Variants in TBC1D5 observed in about 807,000 individuals in gnomAD.
TBC1D5 encodes TBC1 domain family, member 5.
In TBC1D5, 75 loss-of-function variants were observed where a neutral mutation model predicts 100.3. The ratio of observed to expected loss-of-function variants is 0.75; its 90% confidence interval spans 0.62 to 0.91. The LOEUF is 0.91. TBC1D5 is among the 40% of genes least tolerant of loss of function. TBC1D5 has a pLI of 0.00. For missense variants in TBC1D5, 910 were observed against 942.4 expected, an observed-to-expected ratio of 0.97 and a Z score of 0.45; for synonymous variants, 323 against 325.6, an observed-to-expected ratio of 0.99 and a Z score of 0.09.
At chr3:17,383,319 T>G (rs1038699056) in intron 9 of TBC1D5, among the ~76,000 whole-genome samples, 1 of 151,806 alleles carries the variant, frequency 6.6e-6, no homozygotes, top group African/African-American at 2.4e-5. Context: ...GTATTTTTAT[T>G]AGAACACCAT....
rs1380883342 is a variant in TBC1D5 at position 17,404,712 on chromosome 3, AG to A, written c.422del (p.Pro141LeufsTer22). 1 of 1,606,194 alleles carries A rather than the reference AG, an allele frequency of 6.2e-7. No homozygotes were observed. Among genetic ancestry groups the A allele is most frequent in the South Asian group, 1.1e-5 (1 of 89,736 alleles). ...ACTTTACCCCTTCATCCTGTGAAAG[AG>A]GATTATTGATCATCAAATCTTGTTG... On this transcript the variant is annotated frameshift_variant, in exon 7 of 22. Transcript: ENST00000253692. LOFTEE classifies it high-confidence loss of function.
intron 13 of TBC1D5, among the ~76,000 whole-genome samples, chr3:17,371,254 T>C (rs759687843): frequency 2.0e-5 from 3 of 152,182 alleles, no homozygotes; most frequent in African/African-American, 7.2e-5. Context: ...GAACAAAAGA[T>C]GATCATATGA....
At chr3:17,373,367 C>A (rs1350861747) in intron 12 of TBC1D5, among the ~76,000 whole-genome samples, 1 of 152,062 alleles carries the variant, frequency 6.6e-6, no homozygotes, top group Non-Finnish European at 1.5e-5. Context: ...ATACTGGAAA[C>A]AATATACCAA....
chr3:17,484,252 C>A (rs1330175589), intron 3 of TBC1D5, among the ~76,000 whole-genome samples: 1 of 152,122 alleles, frequency 6.6e-6, no homozygotes, highest in African/African-American at 2.4e-5. Context: ...CTCCTGATGT[C>A]ATAATTAAAA....
intron 16 of TBC1D5, among the ~76,000 whole-genome samples, chr3:17,244,294 G>T (rs940381116): frequency 6.6e-6 from 1 of 152,172 alleles, no homozygotes; most frequent in Non-Finnish European, 1.5e-5. Context: ...ATGATCTGCA[G>T]TGCCAAATGG....
intron 1 of TBC1D5, among the ~76,000 whole-genome samples, chr3:17,704,824 G>A (rs1291728755): frequency 2.1e-5 from 2 of 95,090 alleles, no homozygotes; most frequent in Admixed American, 1.8e-4. Flanking sequence ...CCGGGCGGAG[G>A]GCTGACCCCC....
chr3:17,330,453 G>A (rs1344206172), intron 13 of TBC1D5, among the ~76,000 whole-genome samples: 1 of 151,958 alleles, frequency 6.6e-6, no homozygotes, highest in African/African-American at 2.4e-5. Context: ...AGCTCACTCT[G>A]CTTCTTTAGT....
intron 17 of TBC1D5, among the ~76,000 whole-genome samples, chr3:17,221,787 G>A (rs997399254): frequency 1.3e-5 from 2 of 152,142 alleles, no homozygotes; most frequent in African/African-American, 2.4e-5. Flanking sequence ...CTTGACTTTA[G>A]CCTAGAGAAA....
chr3:17,517,111 C>A (rs758708349), intron 2 of TBC1D5, among the ~76,000 whole-genome samples: 1 of 152,206 alleles, frequency 6.6e-6, no homozygotes, highest in Non-Finnish European at 1.5e-5. Context: ...CCATTCTTTA[C>A]AAACAACCAC....
At chr3:17,706,370 C>A in intron 1 of TBC1D5, 4 of 1,163,120 alleles carry the variant, frequency 3.4e-6, no homozygotes, top group Non-Finnish European at 3.5e-6. Context: ...GAAAGCTAAT[C>A]TAATAAATTC....
rs570906834 is a variant in TBC1D5 at position 17,531,604 on chromosome 3, C to A, written c.-35-22999G>T. On this transcript the variant is annotated intron_variant, in intron 2 of 21. Coordinates refer to ENST00000253692, the Ensembl canonical transcript of TBC1D5. ...AAACTATACTACAAGGCTACAGTAA[C>A]CAAAACAGCATGGTACTGGTACCAA... 3.9e-5 allele frequency among the ~76,000 whole-genome samples: 6 copies of A among 152,254 alleles called. No individual in the cohort carries two copies. The South Asian group carries it at 1.2e-3, about 32-fold the overall frequency.
intron 4 of TBC1D5, among the ~76,000 whole-genome samples, chr3:17,418,614 AC>A (rs771139237): frequency 2.6e-5 from 4 of 152,124 alleles, no homozygotes; most frequent in Non-Finnish European, 2.9e-5. Flanking sequence ...AAAAAAAAAA[AC>A]TATGATATAC....
At chr3:17,316,458 C>A (rs550070589) in intron 13 of TBC1D5, among the ~76,000 whole-genome samples, 2 of 152,260 alleles carry the variant, frequency 1.3e-5, no homozygotes, top group East Asian at 3.9e-4. Context: ...CATATCTACT[C>A]AAGTGAAAGC....
chr3:17,363,461 TA>T (rs1486214958), intron 13 of TBC1D5, among the ~76,000 whole-genome samples: 1 of 151,990 alleles, frequency 6.6e-6, no homozygotes, highest in Admixed American at 6.6e-5. Context: ...CCTTTTTTTT[TA>T]TTTTTTTATT....
At chr3:17,734,880 G>A (rs1000821506) in intron 1 of TBC1D5, among the ~76,000 whole-genome samples, 5 of 151,642 alleles carry the variant, frequency 3.3e-5, no homozygotes, top group African/African-American at 1.2e-4. Context: ...GAGCCCCGAC[G>A]TTTGAGACCA....
intron 13 of TBC1D5, among the ~76,000 whole-genome samples, chr3:17,312,813 G>C (rs1422876051): frequency 6.6e-6 from 1 of 152,158 alleles, no homozygotes; most frequent in South Asian, 2.1e-4. Flanking sequence ...AAAATAGTCT[G>C]AATGGAAAGT....
intron 3 of TBC1D5, among the ~76,000 whole-genome samples, chr3:17,464,056 A>AT (rs2095262007): frequency 7.0e-6 from 1 of 143,668 alleles, no homozygotes; most frequent in African/African-American, 2.6e-5. Context: ...GGTTCAAGTG[A>AT]TTCTCCTGCC....
At chr3:17,738,532 T>C (rs1400479686) in intron 1 of TBC1D5, among the ~76,000 whole-genome samples, 1 of 152,072 alleles carries the variant, frequency 6.6e-6, no homozygotes, top group Non-Finnish European at 1.5e-5. Flanking sequence ...CATACAGAAT[T>C]TGTAAAAATA....
chr3:17,573,197 C>T (rs369985993), intron 2 of TBC1D5, among the ~76,000 whole-genome samples: 2 of 151,996 alleles, frequency 1.3e-5, no homozygotes, highest in African/African-American at 4.8e-5. Context: ...CCAACCTCTC[C>T]CGCAGGTCAA....
Sources: allele counts gnomAD v4.1 joint callset (sites outside exome capture counted in the v4.1 genomes callset), GRCh38; gene constraint gnomAD v4.1.1; transcripts MANE v1.5; gene names NCBI Gene and HGNC (gene_info 2026-07-23, HGNC 2026-07-21).